Variants in KAZN observed in about 807,000 individuals in gnomAD.
The protein encoded by KAZN is kazrin.
KAZN carries 40 observed loss-of-function variants against 87.4 expected under a neutral mutation model. The ratio of observed to expected loss-of-function variants is 0.46; its 90% CI spans 0.36 to 0.60. The LOEUF is 0.60. Ranked by LOEUF, KAZN falls within the 20% of genes least tolerant of loss-of-function variation. The pLI is 0.00. For synonymous variants in KAZN, 466 were observed against 458.3 expected (o/e 1.02, Z -0.22); for missense variants, 898 against 1,073.9 (o/e 0.84, Z 2.29).
At chr1:14,859,380 C>T (rs546131199) in intron 1 of KAZN, among the ~76,000 whole-genome samples, 6 of 152,236 alleles carry the variant, frequency 3.9e-5, no homozygotes, top group African/African-American at 9.6e-5. Context: ...GACTGGCCCA[C>T]GGTCACGCAG....
chr1:14,698,139 G>T (rs1257025674), intron 1 of KAZN, among the ~76,000 whole-genome samples: 2 of 152,178 alleles, frequency 1.3e-5, no homozygotes, highest in African/African-American at 4.8e-5. Context: ...CTAGGGAACG[G>T]GTGTGAATTT....
At chr1:14,196,843 G>A (rs993003840) in intron 2 of KAZN, among the ~76,000 whole-genome samples, 41 of 152,198 alleles carry the variant, frequency 2.7e-4, no homozygotes, top group African/African-American at 7.9e-4. Context: ...CTGGGAAGGC[G>A]AGGAAGAACC....
intron 2 of KAZN, among the ~76,000 whole-genome samples, chr1:14,218,374 A>G (rs1647013584): frequency 6.6e-6 from 1 of 152,162 alleles, no homozygotes; most frequent in South Asian, 2.1e-4. Flanking sequence ...TGACATCTCT[A>G]GGACCCAGAT....
At chr1:14,590,598 G>T (rs1396141071) in intron 2 of KAZN, among the ~76,000 whole-genome samples, 3 of 152,170 alleles carry the variant, frequency 2.0e-5, no homozygotes, top group Non-Finnish European at 2.9e-5. Context: ...GATTCAGCCT[G>T]AGTTAGTAGA....
intron 1 of KAZN, among the ~76,000 whole-genome samples, chr1:14,162,547 C>CT (rs113937893): frequency 0.21 from 29,222 of 138,502 alleles, 3,958 homozygotes; most frequent in African/African-American, 0.36. Flanking sequence ...TTTCTTTTTT[C>CT]TTTTTTTTTT....
chr1:14,675,585 C>T (rs1640169595), intron 1 of KAZN, among the ~76,000 whole-genome samples: 1 of 152,164 alleles, frequency 6.6e-6, no homozygotes, highest in Non-Finnish European at 1.5e-5. Flanking sequence ...AATCTACCAT[C>T]TCATTTCTTT....
At chr1:13,970,982 A>C (rs1426429384) in intron 1 of KAZN, among the ~76,000 whole-genome samples, 1 of 152,206 alleles carries the variant, frequency 6.6e-6, no homozygotes, top group Non-Finnish European at 1.5e-5. Flanking sequence ...TCAATTATTT[A>C]CTGCCCCAAA....
At chr1:14,304,927 C>T (rs1416080114) in intron 2 of KAZN, among the ~76,000 whole-genome samples, 2 of 150,186 alleles carry the variant, frequency 1.3e-5, no homozygotes, top group Non-Finnish European at 2.9e-5. Flanking sequence ...CATGATTGCT[C>T]TGCAGCCAAA....
intron 1 of KAZN, among the ~76,000 whole-genome samples, chr1:14,688,623 G>A (rs1641097642): frequency 6.6e-6 from 1 of 152,258 alleles, no homozygotes; most frequent in African/African-American, 2.4e-5. Context: ...GGGCTGTTCT[G>A]TGGATTCTTT....
intron 2 of KAZN, among the ~76,000 whole-genome samples, chr1:14,580,664 A>G (rs922235776): frequency 6.6e-6 from 1 of 152,078 alleles, no homozygotes; most frequent in Non-Finnish European, 1.5e-5. Context: ...CTAACATTTA[A>G]TGGACACCTA....
At chr1:14,338,978 C>T (rs1252867528) in intron 2 of KAZN, among the ~76,000 whole-genome samples, 1 of 151,918 alleles carries the variant, frequency 6.6e-6, no homozygotes, top group Non-Finnish European at 1.5e-5. Flanking sequence ...ATCCTTGGGA[C>T]CAATGTGATG....
chr1:14,067,145 A>G lies in KAZN; in HGVS notation c.92-113290A>G, dbSNP rs535079217. Among the ~76,000 whole-genome samples the G allele has an allele frequency of 2.6e-5, 4 of 152,020 alleles. No homozygotes were observed. The South Asian group carries it at 8.4e-4, about 32-fold the overall frequency. On this transcript the variant is annotated intron_variant, in intron 1 of 16. Coordinates refer to the KAZN transcript ENST00000636203. ...CTCCTCTCTCCTCCTCCCCGCCCCA[A>G]ATAATGTAAGATCTATGAGCACAGG...
In KAZN at chr1:15,109,937, G is replaced by GTGTGTGTGTGTT. The variant is rs1553191662; in HGVS notation, c.2049-2485_2049-2484insGTGTGTTTGTGT. ...TGTTTGTGTATGGGTGTGTGTGTGT[G>GTGTGTGTGTGTT]TGTGTTTGTGTATGTGTTTGTATAT... On this transcript the variant is annotated intron_variant, in intron 13 of 14. Transcript: ENST00000376030. Among the ~76,000 whole-genome samples, 8 of 140,558 alleles carry GTGTGTGTGTGTT rather than the reference G, an allele frequency of 5.7e-5. No individual in the cohort carries two copies. The South Asian group carries it at 1.7e-3, about 30-fold the overall frequency. The allele number at this position is 140,558 out of a possible 152,430, so 92.2% of individuals were successfully genotyped here. A position where few individuals can be genotyped will look rare whatever the true frequency, so the allele number is the denominator to read the frequency against.
chr1:14,789,154 G>T (rs1231369392), intron 1 of KAZN, among the ~76,000 whole-genome samples: 1 of 152,164 alleles, frequency 6.6e-6, no homozygotes, highest in Middle Eastern at 3.2e-3. Context: ...CCCAGGAGGG[G>T]GCCTACTCAG....
chr1:14,405,875 T>C (rs558815094), intron 2 of KAZN, among the ~76,000 whole-genome samples: 54 of 108,834 alleles, frequency 5.0e-4, no homozygotes, highest in African/African-American at 1.7e-3. Flanking sequence ...AGGATCAACC[T>C]TTTTGTTCTA....
At chr1:14,879,127 A>G (rs888402739) in intron 1 of KAZN, among the ~76,000 whole-genome samples, 2 of 152,202 alleles carry the variant, frequency 1.3e-5, no homozygotes, top group African/African-American at 2.4e-5. Context: ...TGAGCTCTGG[A>G]GTCAGGAAGG....
At chr1:14,331,762 C>T (rs1364279375) in intron 2 of KAZN, among the ~76,000 whole-genome samples, 1 of 152,164 alleles carries the variant, frequency 6.6e-6, no homozygotes, top group Non-Finnish European at 1.5e-5. Flanking sequence ...TCCCCTGCTT[C>T]CCCCTACCAG....
chr1:13,900,902 A>T (rs924747856), intron 1 of KAZN, among the ~76,000 whole-genome samples: 1 of 152,170 alleles, frequency 6.6e-6, no homozygotes, highest in Non-Finnish European at 1.5e-5. Context: ...TGCTGTAACT[A>T]TTACTATTTG....
chr1:14,365,723 A>C (rs1461415005), intron 2 of KAZN, among the ~76,000 whole-genome samples: 1 of 152,176 alleles, frequency 6.6e-6, no homozygotes, highest in Non-Finnish European at 1.5e-5. Flanking sequence ...TTCAGACATT[A>C]CCAAATATCC....
Sources: allele counts gnomAD v4.1 joint callset (sites outside exome capture counted in the v4.1 genomes callset), GRCh38; gene constraint gnomAD v4.1.1; transcripts MANE v1.5; gene names NCBI Gene and HGNC (gene_info 2026-07-23, HGNC 2026-07-21).